Variants in TG observed in about 807,000 individuals in gnomAD.
The protein encoded by TG is thyroid hormones.
In TG, 270 loss-of-function variants were observed where a neutral mutation model predicts 324.7. The ratio of observed to expected loss-of-function variants is 0.83; its 90% CI spans 0.75 to 0.92. The LOEUF (loss-of-function observed/expected upper bound fraction) is 0.92. TG is among the 40% of genes least tolerant of loss of function. The pLI is 0.00. For synonymous variants in TG, 1,401 were observed against 1,327.0 expected, an observed-to-expected ratio of 1.06 and a Z score of -1.21; for missense variants, 3,591 against 3,456.4, an observed-to-expected ratio of 1.04 and a Z score of -0.98.
intron 41 of TG, chr8:133,063,779 T>C (rs1297322242): frequency 6.6e-6 from 1 of 152,242 alleles, no homozygotes; most frequent in African/African-American, 2.4e-5. Flanking sequence ...TTTAGTGGTC[T>C]GCTCAGTGGC....
intron 35 of TG, chr8:132,995,556 T>C (rs1445982303): frequency 1.0e-5 from 10 of 984,198 alleles, no homozygotes; most frequent in African/African-American, 1.7e-5. Context: ...CCTCAGAATT[T>C]CTATCGTTTT....
At chr8:132,969,375 T>C in intron 31 of TG, 83 bp from the exon 32 acceptor site, 2 of 952,966 alleles carry the variant, frequency 2.1e-6, no homozygotes, top group Non-Finnish European at 3.4e-6. Context: ...AAACTTTCAG[T>C]CTGTATTTTA....
At chr8:133,120,326 AT>A (rs1851041747) in intron 45 of TG, among the ~76,000 whole-genome samples, 1 of 152,240 alleles carries the variant, frequency 6.6e-6, no homozygotes, top group Non-Finnish European at 1.5e-5. Context: ...GCAAAACAAA[AT>A]GAAAGCATTC....
At chr8:133,055,886 G>T (rs1841358976) in intron 41 of TG, among the ~76,000 whole-genome samples, 3 of 151,750 alleles carry the variant, frequency 2.0e-5, no homozygotes, top group Admixed American at 6.6e-5. Flanking sequence ...GCACAGCTCT[G>T]GGGGGAATCA....
At chr8:132,872,446 C>G (rs569608890) in intron 4 of TG, among the ~76,000 whole-genome samples, 1 of 143,678 alleles carries the variant, frequency 7.0e-6, no homozygotes, top group Non-Finnish European at 1.5e-5. Flanking sequence ...CCACTGCACT[C>G]CAGCCTGGGC....
At chr8:133,111,221 G>A (rs1450510738) in intron 43 of TG, among the ~76,000 whole-genome samples, 1 of 152,062 alleles carries the variant, frequency 6.6e-6, no homozygotes, top group Non-Finnish European at 1.5e-5. Context: ...CTGGGGGAAC[G>A]AGCCTGTCTC....
At chr8:133,070,649 TTG>T (rs1843861954) in intron 41 of TG, among the ~76,000 whole-genome samples, 2 of 152,202 alleles carry the variant, frequency 1.3e-5, no homozygotes, top group Non-Finnish European at 2.9e-5. Context: ...TGTAAATCCT[TTG>T]TCTTTTTACT....
At chr8:133,074,418 A>G (rs1844553640) in intron 41 of TG, among the ~76,000 whole-genome samples, 1 of 152,110 alleles carries the variant, frequency 6.6e-6, no homozygotes, top group Non-Finnish European at 1.5e-5. Context: ...AGCATATGTC[A>G]ATTTCTTCAC....
chr8:133,090,224 G>A (rs569196243), intron 41 of TG: 10 of 152,312 alleles, frequency 6.6e-5, no homozygotes, highest in South Asian at 2.1e-4. Flanking sequence ...AGATAGTCAC[G>A]TTTCTAGAGG....
At chr8:132,876,124 T>C (rs1813753391) in intron 5 of TG, among the ~76,000 whole-genome samples, 1 of 151,934 alleles carries the variant, frequency 6.6e-6, no homozygotes, top group African/African-American at 2.4e-5. Context: ...AAAAATGGAA[T>C]GGGTGAGGGG....
intron 7 of TG, 51 bp downstream of exon 7, chr8:132,882,663 C>T: frequency 6.2e-7 from 1 of 1,614,004 alleles, no homozygotes; most frequent in Non-Finnish European, 8.5e-7. Flanking sequence ...GGGGACGCCT[C>T]TTGGGTTTCA....
intron 43 of TG, among the ~76,000 whole-genome samples, chr8:133,104,525 A>G (rs1042226796): frequency 1.3e-5 from 2 of 152,242 alleles, no homozygotes; most frequent in East Asian, 1.9e-4. Flanking sequence ...GCAGCTGACT[A>G]TATGAGTTGG....
intron 11 of TG, among the ~76,000 whole-genome samples, chr8:132,895,746 A>T (rs1372662361): frequency 6.6e-6 from 1 of 152,238 alleles, no homozygotes; most frequent in African/African-American, 2.4e-5. Context: ...AGGTAATCAA[A>T]GAGAGAAGTG....
chr8:132,907,032 C>A, intron 17 of TG, 132 bp downstream of exon 17: 3 of 957,936 alleles, frequency 3.1e-6, no homozygotes, highest in Non-Finnish European at 4.8e-6. Context: ...CAGATGGCAC[C>A]AAGAGATGGG....
At chr8:133,070,691 C>T (rs1336033850) in intron 41 of TG, among the ~76,000 whole-genome samples, 1 of 152,242 alleles carries the variant, frequency 6.6e-6, no homozygotes, top group East Asian at 1.9e-4. Context: ...GTAATACCTT[C>T]ATCCCAGCTT....
intron 40 of TG, among the ~76,000 whole-genome samples, chr8:133,028,262 G>A (rs1434181839): frequency 6.6e-6 from 1 of 152,196 alleles, no homozygotes; most frequent in Non-Finnish European, 1.5e-5. Flanking sequence ...GACCTTGGAG[G>A]AAACAAACAC....
chr8:133,081,699 A>G (rs1367757154), intron 41 of TG, among the ~76,000 whole-genome samples: 1 of 150,522 alleles, frequency 6.6e-6, no homozygotes, highest in Non-Finnish European at 1.5e-5. Flanking sequence ...ACCTAGACCC[A>G]CTGCCTCCAC....
Position 132,911,466 on chromosome 8 carries a change from G to T in TG, c.4092G>T (p.Val1364=). The change falls in exon 19 of 48, where the codon GTG becomes GTT. Residue 1364 remains valine (V), a synonymous_variant. Transcript: ENST00000220616. ...VGCLTRERLG[V]NVTWKSRLED... ...GTCTGACCAGGGAGCGTTTAGGAGT[G>T]AATGTTACATGGAAATCACGGCTTG... 6.2e-7 allele frequency: 1 copy of T among 1,614,184 alleles called. No individual in the cohort carries two copies. Among genetic ancestry groups the T allele is most frequent in the Non-Finnish European group, 8.5e-7 (1 of 1,180,044 alleles).
intron 3 of TG, among the ~76,000 whole-genome samples, 168 bp from the exon 4 acceptor site, chr8:132,871,180 A>G (rs1839447584): frequency 6.6e-6 from 1 of 152,026 alleles, no homozygotes; most frequent in Non-Finnish European, 1.5e-5. Context: ...AGTCCACAGG[A>G]TACTAGCTAG....
Sources: allele counts gnomAD v4.1 joint callset (sites outside exome capture counted in the v4.1 genomes callset), GRCh38; gene constraint gnomAD v4.1.1; transcripts MANE v1.5; gene names NCBI Gene and HGNC (gene_info 2026-07-23, HGNC 2026-07-21).